SPDEF: variants seen among roughly 807,000 people sequenced by gnomAD.
SPDEF encodes SAM pointed domain-containing Ets transcription factor.
A neutral mutation model predicts 36.0 loss-of-function variants in SPDEF; 12 were observed. The observed-to-expected ratio is 0.33, with a 90% CI of 0.21 to 0.54. The LOEUF (loss-of-function observed/expected upper bound fraction) is 0.54, where lower values mean the gene tolerates loss of function less well. Among genes scored for constraint, SPDEF ranks in the 20% least tolerant of loss-of-function variants. SPDEF has a pLI of 0.93. For missense variants in SPDEF, 388 were observed against 456.9 expected (o/e 0.85, Z 1.37); for synonymous variants, 205 against 193.0 (o/e 1.06, Z -0.51).
chr6:34,547,264 C>A (rs1040918964), intron 1 of SPDEF, among the ~76,000 whole-genome samples: 3 of 151,624 alleles, frequency 2.0e-5, no homozygotes, highest in African/African-American at 4.9e-5. Context: ...ATGGGCAGGG[C>A]AGGTGGCAGC....
rs1322464819 is a variant in SPDEF, at chr6:34,544,632, A to C, written c.-29-148T>G. ...TTCCGGGTCATTGGGCAGCCACGACATGGTTGGGCAGACAGGCCTTCTGGC... is the reference window on the plus strand; with the variant it reads ...TTCCGGGTCATTGGGCAGCCACGACCTGGTTGGGCAGACAGGCCTTCTGGC... On this transcript the variant is annotated intron_variant, in intron 1 of 5. Transcript: ENST00000374037. The surrounding 1 kb of genome is among the most constrained non-coding windows in gnomAD (Gnocchi z 4.4). The C allele has an allele frequency of 8.1e-6, 5 of 617,968 alleles. No individual in the cohort carries two copies. The highest frequency in any genetic ancestry group is 1.1e-5 in the Non-Finnish European group (4 of 376,414). 38.3% of individuals were successfully genotyped at this position (617,968 alleles called of 1,614,324 possible). A position where few individuals can be genotyped will look rare whatever the true frequency, so the allele number is the denominator to read the frequency against.
In SPDEF at chr6:34,538,558, G is replaced by T; in HGVS notation, c.830-106C>A. On this transcript the variant is annotated intron_variant, in intron 5 of 5. Transcript: ENST00000374037. This position sits in a 1 kb window ranked among gnomAD's most constrained non-coding sequence, Gnocchi z 5.9. Reference sequence around the variant, plus strand: ...CTCGTGGCGAACCAAGGGACCCCGTGCAGAGGCCTCCCCCTGCTCGGGTGG... The same window carrying T: ...CTCGTGGCGAACCAAGGGACCCCGTTCAGAGGCCTCCCCCTGCTCGGGTGG... 8.6e-7 allele frequency: 1 copy of T among 1,167,380 alleles called. No individual in the cohort carries two copies. The highest frequency in any genetic ancestry group is 1.2e-6 in the Non-Finnish European group (1 of 827,126). The allele number at this position is 1,167,380 out of a possible 1,614,324, so 72.3% of individuals were successfully genotyped here.
intron 1 of SPDEF, among the ~76,000 whole-genome samples, chr6:34,549,852 A>C (rs1276673937): frequency 6.6e-6 from 1 of 152,128 alleles, no homozygotes; most frequent in East Asian, 1.9e-4. Context: ...CTGCAGGAGG[A>C]AGAGGTCTGA....
In SPDEF at chr6:34,539,523, T is replaced by C. The variant is rs377061561; in HGVS notation, c.674A>G (p.His225Arg). Reference sequence around the variant, plus strand: ...GCCGCTGCCTGGCTCACCACAGTAGTGAATCGCCCCAGGTGAAGTCCGCTC... The same window carrying C: ...GCCGCTGCCTGGCTCACCACAGTAGCGAATCGCCCCAGGTGAAGTCCGCTC... ...MKERTSPGAI[H>R]YCASTSEESW... The change falls in exon 4 of 6, where the codon CAC becomes CGC. Residue 225 changes from histidine (H) to arginine (R), a missense_variant. Transcript: ENST00000374037. This position sits in a 1 kb window ranked among gnomAD's most constrained non-coding sequence, Gnocchi z 5.2. 6 of 1,576,070 alleles carry C rather than the reference T, an allele frequency of 3.8e-6. No individual in the cohort carries two copies. The African/African-American group carries it at 8.1e-5, about 21-fold the overall frequency.
chr6:34,539,244 G>A lies in SPDEF; in HGVS notation c.829+6C>T. 1 of 1,613,532 alleles carries A rather than the reference G, an allele frequency of 6.2e-7. No homozygotes were observed. The highest frequency in any genetic ancestry group is 1.3e-5 in the African/African-American group (1 of 75,054). ...CCCTGCAGCGCCCCTTGGGCACCCT[G>A]CTCACCCTTCTCCTTGTTGAGCCAC... On this transcript the variant is annotated splice_donor_region_variant and intron_variant, in intron 5 of 5. Coordinates refer to ENST00000374037, the MANE Select transcript of SPDEF (RefSeq NM_012391.3). This position sits in a 1 kb window ranked among gnomAD's most constrained non-coding sequence, Gnocchi z 5.2.
Position 34,556,230 on chromosome 6 carries a change from G to C in SPDEF, c.-331C>G, listed in dbSNP as rs1428381005. On this transcript the variant is annotated 5_prime_UTR_variant, in exon 1 of 6. Coordinates refer to ENST00000374037, the MANE Select transcript of SPDEF (RefSeq NM_012391.3). ...AGGCCCAACCTGAGGGGCTTGCAGG[G>C]AGCTGGCAGCAGGCTTGGAGGACTG... 1 of 152,432 alleles carries C rather than the reference G, an allele frequency of 6.6e-6. No homozygotes were observed. Among genetic ancestry groups the C allele is most frequent in the African/African-American group, 2.4e-5 (1 of 41,458 alleles). The allele number at this position is 152,432 out of a possible 1,614,324, so 9.4% of individuals were successfully genotyped here. A position where few individuals can be genotyped will look rare whatever the true frequency, so the allele number is the denominator to read the frequency against.
Position 34,541,065 on chromosome 6 carries a change from C to T in SPDEF, c.553G>A (p.Ala185Thr), listed in dbSNP as rs199810913. 3.1e-5 allele frequency: 50 copies of T among 1,612,292 alleles called. No individual in the cohort carries two copies. Among genetic ancestry groups the T allele is most frequent in the African/African-American group, 4.0e-5 (3 of 74,928 alleles). Residue 185 changes from alanine (A) to threonine (T), a missense_variant, in exon 3 of 6, where the codon GCC (alanine) becomes ACC (threonine). By Grantham distance (58) the Ala-to-Thr change is moderately conservative (BLOSUM62 0). Around this residue, in one of 2 missense-constraint regions of SPDEF, gnomAD observed 308 missense variants for 326.1 expected, o/e 0.94. Transcript: ENST00000374037. ...FQELAGKELC[A>T]MSEEQFRQRS... ...TGGCGGAACTGCTCCTCCGACATGGCGCACAGCTCCTTGCCCGCCAGCTCC... is the reference window on the plus strand; with the variant it reads ...TGGCGGAACTGCTCCTCCGACATGGTGCACAGCTCCTTGCCCGCCAGCTCC...
chr6:34,554,229 A>ACTGAAAC (rs1768122141), intron 1 of SPDEF, among the ~76,000 whole-genome samples: 1 of 152,134 alleles, frequency 6.6e-6, no homozygotes, highest in Non-Finnish European at 1.5e-5. Flanking sequence ...TTAGCACAAA[A>ACTGAAAC]CTGCTCTAAC....
intron 1 of SPDEF, among the ~76,000 whole-genome samples, chr6:34,546,301 G>A (rs533172161): frequency 6.6e-6 from 1 of 152,152 alleles, no homozygotes; most frequent in African/African-American, 2.4e-5. Context: ...CTGGCCAGTT[G>A]GGGGGAAGGC....
At chr6:34,554,206 T>A (rs942436308) in intron 1 of SPDEF, among the ~76,000 whole-genome samples, 3 of 152,206 alleles carry the variant, frequency 2.0e-5, no homozygotes, top group Non-Finnish European at 2.9e-5. Context: ...ATACTCAGGC[T>A]GCAACAAGTC....
chr6:34,551,264 G>GCC (rs1207031320), intron 1 of SPDEF, among the ~76,000 whole-genome samples: 2 of 152,240 alleles, frequency 1.3e-5, no homozygotes, highest in Non-Finnish European at 2.9e-5. Flanking sequence ...TTAGTGGGGT[G>GCC]TGGGTAGCAC....
In SPDEF at chr6:34,544,476, C is replaced by T. The variant is rs374142910; in HGVS notation, c.-21G>A. The T allele has an allele frequency of 3.9e-5, 59 of 1,517,844 alleles. No homozygotes were observed. Among genetic ancestry groups the T allele is most frequent in the South Asian group, 3.1e-4 (24 of 78,598 alleles). 94.0% of individuals were successfully genotyped at this position (1,517,844 alleles called of 1,614,324 possible). ...CCCATGCCGCTGCTGTTTGGGCTGG[C>T]GGCTGTGTCTACGGAAATGAAAGAG... On this transcript the variant is annotated 5_prime_UTR_variant, in exon 2 of 6. Transcript: ENST00000374037. This position sits in a 1 kb window ranked among gnomAD's most constrained non-coding sequence, Gnocchi z 4.4.
In SPDEF at chr6:34,555,014, AG is replaced by A. The variant is rs1768135815; in HGVS notation, c.-30+914del. On this transcript the variant is annotated intron_variant, in intron 1 of 5. Transcript: ENST00000374037. The surrounding 1 kb of genome is among the most constrained non-coding windows in gnomAD (Gnocchi z 5.2). ...GCTGGGCGGCCCCAGCTGATAGGTG[AG>A]GTGAGGGATCTTGGCCTGCCCCTCC... 6.6e-6 allele frequency among the ~76,000 whole-genome samples: 1 copy of A among 152,058 alleles called. No individual in the cohort carries two copies. The highest frequency in any genetic ancestry group is 1.5e-5 in the Non-Finnish European group (1 of 68,004).
chr6:34,553,364 T>C (rs1390217660), intron 1 of SPDEF, among the ~76,000 whole-genome samples: 1 of 151,150 alleles, frequency 6.6e-6, no homozygotes, highest in Admixed American at 6.6e-5. Context: ...TTGGGAAGAG[T>C]TGTTCCACCT....
rs1264913013 is a variant in SPDEF, at chr6:34,541,002, G to T, written c.616C>A (p.Leu206Met). The change falls in exon 3 of 6, where the codon CTG becomes ATG. Residue 206 changes from leucine (L) to methionine (M), a missense_variant. Coordinates refer to ENST00000374037, the MANE Select transcript of SPDEF (RefSeq NM_012391.3). Reference protein sequence around the residue: ...PLGGDVLHAHLDIWKSAAWMK... With the variant: ...PLGGDVLHAHMDIWKSAAWMK... ...ATCCTACCTGACTTCCAGATGTCCAGGTGGGCGTGCAGCACATCCCCACCC... is the reference window on the plus strand; with the variant it reads ...ATCCTACCTGACTTCCAGATGTCCATGTGGGCGTGCAGCACATCCCCACCC... The T allele has an allele frequency of 6.2e-7, 1 of 1,611,278 alleles. No individual in the cohort carries two copies. The highest frequency in any genetic ancestry group is 2.2e-5 in the East Asian group (1 of 44,880).
At chr6:34,554,481 C>A (rs140423916) in intron 1 of SPDEF, among the ~76,000 whole-genome samples, 2 of 152,364 alleles carry the variant, frequency 1.3e-5, no homozygotes, top group African/African-American at 2.4e-5. Flanking sequence ...TAGTTTTCAG[C>A]TCTGGATACC....
chr6:34,553,257 C>T (rs1423476867), intron 1 of SPDEF, among the ~76,000 whole-genome samples: 3 of 152,156 alleles, frequency 2.0e-5, no homozygotes, highest in Non-Finnish European at 4.4e-5. Context: ...GCAGGGGGCA[C>T]CTCCCAGGCT....
chr6:34,550,809 G>A (rs1234065108), intron 1 of SPDEF, among the ~76,000 whole-genome samples: 3 of 152,170 alleles, frequency 2.0e-5, no homozygotes, highest in Non-Finnish European at 2.9e-5. Context: ...ACGGGGCACT[G>A]GAAGCCAAAG....
rs9296118 is a variant in SPDEF, at chr6:34,555,920, T to C, written c.-30+9A>G. The stretch of plus-strand genomic sequence containing the variant: ...ATGCCAGGGTACCCCCACCTCCTGT[T>C]GGACTCACCTGTTAGCTGCCTGGTG... On this transcript the variant is annotated intron_variant, in intron 1 of 5. Transcript: ENST00000374037. This position sits in a 1 kb window ranked among gnomAD's most constrained non-coding sequence, Gnocchi z 5.2. 152,283 of 152,840 alleles carry C rather than the reference T, an allele frequency of 1. 75,870 individuals carry two copies. Among genetic ancestry groups the C allele is most frequent in the East Asian group, 1 (5,160 of 5,160 alleles). 9.5% of individuals were successfully genotyped at this position (152,840 alleles called of 1,614,324 possible). A position where few individuals can be genotyped will look rare whatever the true frequency, so the allele number is the denominator to read the frequency against.
Sources: gnomAD v4.1 joint callset for allele counts (sites outside exome capture counted in the v4.1 genomes callset) on GRCh38, gnomAD v4.1.1 for gene constraint, gnomAD v4.1.1 regional missense constraint, Gnocchi (gnomAD v3.1) non-coding constraint, MANE v1.5 for transcripts, NCBI Gene and HGNC (gene_info 2026-07-23, HGNC 2026-07-21) for gene names.